The following USH2A variants were observed in gnomAD, a reference collection of about 807,000 sequenced individuals.
The protein encoded by USH2A is usherin, also known as Usher syndrome 2A (autosomal recessive, mild).
A neutral mutation model predicts 538.9 loss-of-function variants in USH2A; 443 were observed. The ratio of observed to expected loss-of-function variants is 0.82; its 90% CI spans 0.76 to 0.89. The LOEUF is 0.89. USH2A is among the 40% of genes least tolerant of loss of function. USH2A has a pLI of 0.00. For synonymous variants in USH2A, 2,413 were observed against 2,273.5 expected (o/e 1.06, Z -1.75); for missense variants, 6,633 against 6,324.8 (o/e 1.05, Z -1.65).
At chr1:216,081,182 G>T (rs989188365) in intron 26 of USH2A, among the ~76,000 whole-genome samples, 3 of 152,088 alleles carry the variant, frequency 2.0e-5, no homozygotes, top group Non-Finnish European at 4.4e-5. Context: ...CAAGATCAGG[G>T]TATTGGTAGA....
intron 3 of USH2A, among the ~76,000 whole-genome samples, chr1:216,383,549 G>T (rs2038954290): frequency 6.6e-6 from 1 of 152,168 alleles, no homozygotes; most frequent in Admixed American, 6.5e-5. Flanking sequence ...CAACAAAACT[G>T]GAATGTGGGA....
chr1:215,903,072 G>T (rs1665544917), intron 38 of USH2A, among the ~76,000 whole-genome samples: 3 of 152,032 alleles, frequency 2.0e-5, no homozygotes, highest in Non-Finnish European at 4.4e-5. Context: ...ATACTGAGAA[G>T]GAATGGTCAG....
intron 9 of USH2A, among the ~76,000 whole-genome samples, chr1:216,312,257 T>C (rs553825032): frequency 3.7e-4 from 56 of 152,264 alleles, no homozygotes; most frequent in African/African-American, 1.3e-3. Context: ...GTAATTCTTA[T>C]CTTTGCTTTT....
chr1:215,659,044 C>A (rs1657357162), intron 64 of USH2A, among the ~76,000 whole-genome samples: 2 of 152,246 alleles, frequency 1.3e-5, no homozygotes, highest in South Asian at 4.1e-4. Context: ...GCTGGGGATA[C>A]AACAGTGAAC....
chr1:216,224,195 G>GT (rs563788701), intron 14 of USH2A, among the ~76,000 whole-genome samples: 107 of 152,256 alleles, frequency 7.0e-4, no homozygotes, highest in Non-Finnish European at 1.1e-3. Context: ...AAACTGTGGG[G>GT]TACCAGATGA....
intron 44 of USH2A, among the ~76,000 whole-genome samples, chr1:215,855,975 C>T (rs944115777): frequency 2.0e-5 from 3 of 152,136 alleles, no homozygotes; most frequent in African/African-American, 7.2e-5. Context: ...GCATAATTTG[C>T]AAGCCACATG....
At chr1:215,864,743 C>T (rs1025442296) in intron 44 of USH2A, among the ~76,000 whole-genome samples, 2 of 152,108 alleles carry the variant, frequency 1.3e-5, no homozygotes, top group Non-Finnish European at 2.9e-5. Context: ...CATCTGCCTT[C>T]CAAAAATGAA....
At chr1:216,374,425 T>A (rs1236040992) in intron 3 of USH2A, among the ~76,000 whole-genome samples, 8 of 152,136 alleles carry the variant, frequency 5.3e-5, no homozygotes, top group Non-Finnish European at 7.4e-5. Context: ...ATTCAGGTGA[T>A]ACAGTGATCA....
intron 35 of USH2A, among the ~76,000 whole-genome samples, chr1:215,972,016 G>C (rs1247179336): frequency 6.6e-6 from 1 of 152,178 alleles, no homozygotes; most frequent in African/African-American, 2.4e-5. Flanking sequence ...GTACAAGGGT[G>C]TGTGTGAATG....
At chr1:216,360,233 G>T (rs1030208023) in intron 4 of USH2A, among the ~76,000 whole-genome samples, 4 of 151,984 alleles carry the variant, frequency 2.6e-5, no homozygotes, top group Non-Finnish European at 5.9e-5. Context: ...GTACTAAGAA[G>T]ATATGAACCA....
chr1:216,020,751 C>G (rs1668827152), intron 32 of USH2A, among the ~76,000 whole-genome samples: 1 of 152,126 alleles, frequency 6.6e-6, no homozygotes, highest in Non-Finnish European at 1.5e-5. Flanking sequence ...TCATCAATGG[C>G]TAATGATTTG....
At chr1:216,009,103 T>G (rs975797288) in intron 32 of USH2A, among the ~76,000 whole-genome samples, 2 of 151,888 alleles carry the variant, frequency 1.3e-5, no homozygotes, top group African/African-American at 4.8e-5. Context: ...CCCAATCCCT[T>G]ATTTCCACAC....
At chr1:216,036,675 T>A (rs900106557) in intron 32 of USH2A, among the ~76,000 whole-genome samples, 1 of 152,150 alleles carries the variant, frequency 6.6e-6, no homozygotes, top group Non-Finnish European at 1.5e-5. Flanking sequence ...ATTGCACAGA[T>A]GAAGCATTTC....
intron 9 of USH2A, 95 bp from the exon 10 acceptor site, chr1:216,292,465 A>T (rs968994265): frequency 7.7e-7 from 1 of 1,305,022 alleles, no homozygotes; most frequent in Non-Finnish European, 1.1e-6. Context: ...AGTAAAGCAC[A>T]TATCAGTGAG....
At chr1:216,042,371 A>G (rs1189389334) in intron 32 of USH2A, among the ~76,000 whole-genome samples, 2 of 151,958 alleles carry the variant, frequency 1.3e-5, no homozygotes, top group Non-Finnish European at 2.9e-5. Context: ...GATATTATCA[A>G]TTATTTTCCC....
intron 61 of USH2A, among the ~76,000 whole-genome samples, chr1:215,684,976 C>T (rs1231494324): frequency 6.6e-6 from 1 of 152,014 alleles, no homozygotes; most frequent in African/African-American, 2.4e-5. Flanking sequence ...TGCCGAGATC[C>T]TTTATCATTA....
chr1:215,689,343 A>G (rs1209531556), intron 61 of USH2A, among the ~76,000 whole-genome samples: 2 of 152,256 alleles, frequency 1.3e-5, no homozygotes, highest in African/African-American at 4.8e-5. Context: ...GAAACTTAAC[A>G]AGTCTCCATA....
rs749942414 is a variant in USH2A, at chr1:215,728,275, G to A, written c.11821C>T (p.Arg3941Trp). 1.1e-5 allele frequency: 17 copies of A among 1,614,098 alleles called. No homozygotes were observed. The highest frequency in any genetic ancestry group is 9.9e-5 in the South Asian group (9 of 91,080). The change falls in exon 61 of 72, where the codon CGG (arginine) becomes TGG (tryptophan). Residue 3941 changes from arginine (R) to tryptophan (W), a missense_variant. Coordinates refer to ENST00000307340, the MANE Select transcript of USH2A (RefSeq NM_206933.4). ...CCCTTGGAGTTACAGGCTCTGACCC[G>A]ATATTCGTAGAGTGTGAAAGGCCTC... is the stretch of plus-strand genomic sequence containing the variant. ...TLRPFTLYEY[R>W]VRACNSKGSV...
chr1:216,072,345 A>G (rs773800450), intron 29 of USH2A: 24 of 175,450 alleles, frequency 1.4e-4, no homozygotes, highest in Non-Finnish European at 2.3e-4. Context: ...TTCTTTTCCA[A>G]TTCAAAATAT....
Sources: allele counts gnomAD v4.1 joint callset (sites outside exome capture counted in the v4.1 genomes callset), GRCh38; gene constraint gnomAD v4.1.1; transcripts MANE v1.5; gene names NCBI Gene and HGNC (gene_info 2026-07-23, HGNC 2026-07-21).